PSIP1: variants seen among roughly 807,000 people sequenced by gnomAD.
PSIP1 encodes PC4 and SRSF1 interacting protein 1.
PSIP1 carries 19 observed loss-of-function variants against 74.7 expected under a neutral mutation model. The ratio of observed to expected loss-of-function variants is 0.25; its 90% CI spans 0.18 to 0.37. The LOEUF is 0.37. PSIP1 is among the 10% of genes least tolerant of loss of function. The pLI, the probability that PSIP1 is intolerant of heterozygous loss-of-function variation, is 1.00. For missense variants in PSIP1, 601 were observed against 614.3 expected (o/e 0.98, Z 0.23); for synonymous variants, 222 against 195.3 (o/e 1.14, Z -1.14).
At position 15,465,274 on chromosome 9, in the gene PSIP1, A is replaced by T; in HGVS notation, c.*246T>A. 1 of 426,268 alleles carries T rather than the reference A, an allele frequency of 2.3e-6. No individual in the cohort carries two copies. The highest frequency in any genetic ancestry group is 4.1e-6 in the Non-Finnish European group (1 of 243,338). 26.4% of individuals were successfully genotyped at this position (426,268 alleles called of 1,614,324 possible). A position where few individuals can be genotyped will look rare whatever the true frequency, so the allele number is the denominator to read the frequency against. ...GAAAATATGCTACAACCATGTCTGG[A>T]AAAGCAGTTTAACATTTTCTAAATG... is the stretch of plus-strand genomic sequence containing the variant. On this transcript the variant is annotated 3_prime_UTR_variant, in exon 16 of 16. Coordinates refer to ENST00000380733, the MANE Select transcript of PSIP1 (RefSeq NM_033222.5).
At chr9:15,485,703 T>C (rs1026888296) in intron 6 of PSIP1, among the ~76,000 whole-genome samples, 1 of 152,198 alleles carries the variant, frequency 6.6e-6, no homozygotes, top group Admixed American at 6.5e-5. Flanking sequence ...TGTTAAATCA[T>C]TTAATCCTCC....
intron 3 of PSIP1, among the ~76,000 whole-genome samples, chr9:15,490,872 G>A (rs1049318013): frequency 6.6e-6 from 1 of 152,018 alleles, no homozygotes; most frequent in Non-Finnish European, 1.5e-5. Flanking sequence ...AGTATGTTAA[G>A]AATTTTATTT....
chr9:15,484,785 T>C (rs933883419), intron 6 of PSIP1, among the ~76,000 whole-genome samples: 2 of 151,558 alleles, frequency 1.3e-5, no homozygotes, highest in East Asian at 3.9e-4. Flanking sequence ...TGGTGGTGCA[T>C]GCCTGTAATC....
At chr9:15,504,713 G>C (rs2037504693) in intron 3 of PSIP1, among the ~76,000 whole-genome samples, 3 of 151,404 alleles carry the variant, frequency 2.0e-5, no homozygotes, top group Admixed American at 2.0e-4. Flanking sequence ...CTCCAGCCTG[G>C]GCAACAGAGC....
chr9:15,508,580 CATGCAAATCGGAAT>C (rs2037706648), intron 2 of PSIP1, among the ~76,000 whole-genome samples: 2 of 152,154 alleles, frequency 1.3e-5, no homozygotes, highest in African/African-American at 4.8e-5. Context: ...TTCACTGTGG[CATGCAAATCGGAAT>C]ATAGATCTAT....
chr9:15,510,170 G>C lies in PSIP1; in HGVS notation c.19C>G (p.Pro7Ala), dbSNP rs1477423534. Reference sequence around the variant, plus strand: ...ATCTTGGCGAAGATGAGGTCTCCAGGTTTGAAATCGCGAGTCATGTTTCGG... The same window carrying C: ...ATCTTGGCGAAGATGAGGTCTCCAGCTTTGAAATCGCGAGTCATGTTTCGG... MTRDFK[P>A]GDLIFAKMKG... Residue 7 changes from proline to alanine, a missense_variant, in exon 2 of 16, where the codon CCT becomes GCT. Pro to Ala is a conservative substitution (Grantham distance 27). Coordinates refer to ENST00000380733, the MANE Select transcript of PSIP1 (RefSeq NM_033222.5). 6.2e-7 allele frequency: 1 copy of C among 1,606,548 alleles called. No individual in the cohort carries two copies. Among genetic ancestry groups the C allele is most frequent in the East Asian group, 2.3e-5 (1 of 44,056 alleles).
At chr9:15,486,965 TAA>T in intron 4 of PSIP1, 34 bp from the exon 5 acceptor site, 1 of 1,348,628 alleles carries the variant, frequency 7.4e-7, no homozygotes, top group African/African-American at 1.5e-5. Flanking sequence ...TTTCAAAAAA[TAA>T]GTTTTTATCC....
chr9:15,494,343 A>G (rs1213099375), intron 3 of PSIP1, among the ~76,000 whole-genome samples: 3 of 152,138 alleles, frequency 2.0e-5, no homozygotes, highest in Non-Finnish European at 4.4e-5. Context: ...AGCAGGGCAG[A>G]TCACCTGAGG....
intron 3 of PSIP1, among the ~76,000 whole-genome samples, chr9:15,499,875 CAAAA>C (rs559078122): frequency 1.5e-5 from 1 of 68,316 alleles, no homozygotes; most frequent in Non-Finnish European, 3.2e-5. Context: ...GACTCTGTCT[CAAAA>C]AAAAAAAAAA....
Position 15,464,793 on chromosome 9 carries a change from CCAGT to C in PSIP1, c.*723_*726del, listed in dbSNP as rs2035499650. 4.8e-6 allele frequency: 1 copy of C among 206,260 alleles called. No homozygotes were observed. The highest frequency in any genetic ancestry group is 9.9e-6 in the Non-Finnish European group (1 of 101,072). The allele number at this position is 206,260 out of a possible 1,614,324, so 12.8% of individuals were successfully genotyped here. A position where few individuals can be genotyped will look rare whatever the true frequency, so the allele number is the denominator to read the frequency against. ...AAGCCAGATTCATTCCTATATATAC[CCAGT>C]CAGTTGTCTGCAAAGAAGTCCTAAG... On this transcript the variant is annotated 3_prime_UTR_variant, in exon 16 of 16. Transcript: ENST00000380733.
chr9:15,472,227 C>G (rs564593913), intron 10 of PSIP1: 492 of 989,876 alleles, frequency 5.0e-4, no homozygotes, highest in Non-Finnish European at 5.7e-4. Context: ...TTTTGCTGGT[C>G]TTTAGGGTGA....
rs1261845395 is a variant in PSIP1, at chr9:15,486,031, G to C, written c.431C>G (p.Ala144Gly). 6.8e-6 allele frequency: 11 copies of C among 1,609,904 alleles called. No individual in the cohort carries two copies. Among genetic ancestry groups the C allele is most frequent in the Non-Finnish European group, 9.3e-6 (11 of 1,176,954 alleles). Residue 144 changes from alanine to glycine, a missense_variant, in exon 6 of 16, where the codon GCT becomes GGT. This residue lies in a region of PSIP1 where 538 missense variants were observed against 507.6 expected (regional missense o/e 1.06). Coordinates refer to ENST00000380733, the MANE Select transcript of PSIP1 (RefSeq NM_033222.5). The stretch of plus-strand genomic sequence containing the variant: ...CTTTCTCTTTCTCCCCCTTCTGGCA[G>C]CTTTTGGAGTAGTTATGTCAACTGC... ...TKAVDITTPK[A>G]ARRGRKRKAE...
intron 3 of PSIP1, among the ~76,000 whole-genome samples, chr9:15,501,159 T>C (rs2037325992): frequency 6.6e-6 from 1 of 151,900 alleles, no homozygotes; most frequent in Admixed American, 6.6e-5. Context: ...ATATAGCAGG[T>C]AAATGGCAGT....
chr9:15,502,043 C>G (rs1373064177), intron 3 of PSIP1, among the ~76,000 whole-genome samples: 1 of 151,974 alleles, frequency 6.6e-6, no homozygotes, highest in Admixed American at 6.6e-5. Context: ...GAAGCACAAA[C>G]CCTACTGTGC....
At chr9:15,478,706 C>T (rs1416644617) in intron 7 of PSIP1, among the ~76,000 whole-genome samples, 154 bp from the exon 8 acceptor site, 1 of 151,958 alleles carries the variant, frequency 6.6e-6, no homozygotes, top group African/African-American at 2.4e-5. Context: ...TAATACCTCC[C>T]CCACCATGGT....
chr9:15,510,285 G>A lies in PSIP1; in HGVS notation c.-97C>T. On this transcript the variant is annotated 5_prime_UTR_variant, in exon 2 of 16. Transcript: ENST00000380733. ...CGGCGGACGCGGGCCCAGCTACCGG[G>A]CCCGCGGGCGGGGGAGGATGCCTCG... 5.9e-6 allele frequency: 6 copies of A among 1,013,436 alleles called. No homozygotes were observed. The highest frequency in any genetic ancestry group is 8.3e-6 in the Non-Finnish European group (6 of 720,564). 62.8% of individuals were successfully genotyped at this position (1,013,436 alleles called of 1,614,324 possible).
chr9:15,469,459 G>A, intron 11 of PSIP1, 123 bp from the exon 12 acceptor site: 1 of 599,096 alleles, frequency 1.7e-6, no homozygotes, highest in Middle Eastern at 3.4e-4. Flanking sequence ...TCTTTACTAA[G>A]AAGCTCAAAG....
intron 12 of PSIP1, 73 bp from the exon 13 acceptor site, chr9:15,469,131 T>C (rs1197302330): frequency 6.8e-7 from 1 of 1,469,452 alleles, no homozygotes; most frequent in Admixed American, 2.1e-5. Flanking sequence ...TAAAGATCGT[T>C]TCCAAAAAAA....
intron 4 of PSIP1, among the ~76,000 whole-genome samples, chr9:15,488,218 G>C (rs547635992): frequency 6.6e-6 from 1 of 152,146 alleles, no homozygotes; most frequent in South Asian, 2.1e-4. Context: ...CGTAATCCCA[G>C]CTACTCAGGA....
Sources: allele counts gnomAD v4.1 joint callset (sites outside exome capture counted in the v4.1 genomes callset), GRCh38; gene constraint gnomAD v4.1.1; regional missense constraint gnomAD v4.1.1; transcripts MANE v1.5; gene names NCBI Gene and HGNC (gene_info 2026-07-23, HGNC 2026-07-21).